The following LAYN variants were observed in gnomAD, a reference collection of about 807,000 sequenced individuals.
The protein encoded by LAYN is layilin.
LAYN carries 38 observed loss-of-function variants against 43.6 expected under a neutral mutation model. The ratio of observed to expected loss-of-function variants is 0.87; its 90% confidence interval spans 0.67 to 1.14. The LOEUF (loss-of-function observed/expected upper bound fraction) is 1.14, where lower values mean the gene tolerates loss of function less well. Among genes scored for constraint, LAYN ranks in the 50% most tolerant of loss-of-function variants. The probability of loss-of-function intolerance (pLI) is 0.00; values close to 1 mark genes in which losing one functional copy is unlikely to be tolerated. For missense variants in LAYN, 479 were observed against 463.8 expected (o/e 1.03, Z -0.30); for synonymous variants, 168 against 172.9 (o/e 0.97, Z 0.22).
In LAYN at chr11:111,560,037, A is replaced by G. The variant is rs1867923873; in HGVS notation, c.762-58A>G. On this transcript the variant is annotated intron_variant, in intron 6 of 6. Coordinates refer to ENST00000375614, the MANE Select transcript of LAYN (RefSeq NM_178834.5). The stretch of plus-strand genomic sequence containing the variant: ...TTCCTCTCGTCTCAACAGGAAGCAC[A>G]AGGGTATTCTCAATCACCTGGTCTA... 9 of 1,532,982 alleles carry G rather than the reference A, an allele frequency of 5.9e-6. No individual in the cohort carries two copies. In the South Asian group the frequency reaches 9.1e-5, roughly 16 times the overall value. 95.0% of individuals were successfully genotyped at this position (1,532,982 alleles called of 1,614,324 possible). A position where few individuals can be genotyped will look rare whatever the true frequency, so the allele number is the denominator to read the frequency against.
intron 2 of LAYN, among the ~76,000 whole-genome samples, chr11:111,548,258 G>A (rs968599415): frequency 6.6e-6 from 1 of 152,150 alleles, no homozygotes; most frequent in African/African-American, 2.4e-5. Context: ...GATCCCTTTA[G>A]GGAAAAACGG....
rs1342439811 is a variant in LAYN at position 111,545,186 on chromosome 11, C to T, written c.383+966C>T. 2.0e-5 allele frequency among the ~76,000 whole-genome samples: 3 copies of T among 152,072 alleles called. No individual in the cohort carries two copies. The East Asian group carries it at 5.8e-4, about 29-fold the overall frequency. ...TTCTGGGAGTAGCTCCTCCAGGATT[C>T]TCATGAGCCTGTCTTCCTGGGAGAA... On this transcript the variant is annotated intron_variant, in intron 2 of 6. Transcript: ENST00000375614.
At position 111,560,084 on chromosome 11, in the gene LAYN, T is replaced by C. The variant is rs1867924442; in HGVS notation, c.762-11T>C. 6.3e-7 allele frequency: 1 copy of C among 1,592,042 alleles called. No individual in the cohort carries two copies. The highest frequency in any genetic ancestry group is 1.4e-5 in the African/African-American group (1 of 73,818). On this transcript the variant is annotated splice_polypyrimidine_tract_variant and intron_variant, in intron 6 of 6. Transcript: ENST00000375614. ...TCTAAAACACTCAGCCCTGGTTTTC[T>C]TTCTTCCTAGAAAACGGGAGCAGCC...
chr11:111,547,527 T>C (rs749825506), intron 2 of LAYN, among the ~76,000 whole-genome samples: 23 of 152,202 alleles, frequency 1.5e-4, no homozygotes, highest in Admixed American at 3.9e-4. Context: ...ACAAACTGTT[T>C]CAGATTATCT....
intron 4 of LAYN, 103 bp from the exon 5 acceptor site, chr11:111,555,103 AT>A: frequency 1.2e-6 from 1 of 854,380 alleles, no homozygotes; most frequent in Non-Finnish European, 1.9e-6. Flanking sequence ...TGCTGGCAAA[AT>A]TTCTACAGCT....
chr11:111,557,442 T>A, intron 5 of LAYN, 99 bp from the exon 6 acceptor site: 1 of 887,946 alleles, frequency 1.1e-6, no homozygotes, highest in South Asian at 1.4e-5. Flanking sequence ...GGGGTACAAG[T>A]GGTTTTTGAC....
At chr11:111,549,945 C>T (rs1437885574) in intron 3 of LAYN, among the ~76,000 whole-genome samples, 170 bp downstream of exon 3, 1 of 152,184 alleles carries the variant, frequency 6.6e-6, no homozygotes, top group East Asian at 1.9e-4. Flanking sequence ...GACAATTCCT[C>T]ACCGAGGAGT....
intron 5 of LAYN, among the ~76,000 whole-genome samples, chr11:111,556,726 T>C (rs1355848402): frequency 6.6e-6 from 1 of 152,146 alleles, no homozygotes; most frequent in Non-Finnish European, 1.5e-5. Flanking sequence ...GTTTTAGTGG[T>C]GGTCAGGTTT....
chr11:111,541,009 G>T (rs888107982), intron 1 of LAYN, 81 bp downstream of exon 1: 8 of 1,320,156 alleles, frequency 6.1e-6, no homozygotes, highest in Non-Finnish European at 8.3e-6. Flanking sequence ...CTTCTGGGTC[G>T]CCACGTATGG....
Position 111,556,281 on chromosome 11 carries a change from G to A in LAYN, c.658+991G>A, listed in dbSNP as rs547205299. On this transcript the variant is annotated intron_variant, in intron 5 of 6. Transcript: ENST00000375614. ...ATCCCCCACCCCATGGAATCAGGAT[G>A]CATTAGCATCCTGGCACATCAGTGT... Among the ~76,000 whole-genome samples the A allele has an allele frequency of 2.7e-3, 409 of 152,328 alleles. 4 individuals carry two copies. Among genetic ancestry groups the A allele is most frequent in the African/African-American group, 9.3e-3 (388 of 41,564 alleles).
At chr11:111,540,384 C>A (rs78678530), upstream of LAYN, 2,815 of 176,144 alleles carry the variant, frequency 0.016, 39 homozygotes, top group Middle Eastern at 0.039. Context: ...GCACAGCTGG[C>A]GAACTTGGCT....
intron 3 of LAYN, 138 bp from the exon 4 acceptor site, chr11:111,554,421 CTG>C: frequency 1.5e-6 from 1 of 680,898 alleles, no homozygotes; most frequent in Non-Finnish European, 2.5e-6. Context: ...AGCCCAGTTC[CTG>C]ATATCTGATA....
intron 3 of LAYN, chr11:111,551,328 C>A (rs1389097040): frequency 4.4e-6 from 2 of 456,116 alleles, no homozygotes; most frequent in East Asian, 1.4e-4. Context: ...CTCTCATTGG[C>A]TAAGTCCAAT....
In LAYN at chr11:111,544,124, T is replaced by C. The variant is rs1867601618; in HGVS notation, c.287T>C (p.Phe96Ser). The C allele has an allele frequency of 1.2e-6, 2 of 1,614,158 alleles. No homozygotes were observed. Among genetic ancestry groups the C allele is most frequent in the Non-Finnish European group, 1.7e-6 (2 of 1,180,026 alleles). The stretch of plus-strand genomic sequence containing the variant: ...AACCTCTTGCCATCTGATGGTGACT[T>C]CTGGATTGGGCTCAGGAGGCGTGAG... ...IENLLPSDGD[F>S]WIGLRRREEK... The change falls in exon 2 of 7, where the codon TTC becomes TCC. Residue 96 changes from phenylalanine (F) to serine (S), a missense_variant. Transcript: ENST00000375614.
chr11:111,560,377 T>C lies in LAYN; in HGVS notation c.1044T>C (p.Asn348=). The change falls in exon 7 of 7, where the codon AAT becomes AAC. Residue 348 remains asparagine, a synonymous_variant. Coordinates refer to ENST00000375614, the MANE Select transcript of LAYN (RefSeq NM_178834.5). ...LVSVESGFVT[N]DIYEFSPDQM... ...GCGTGGAGAGTGGATTTGTGACCAA[T>C]GACATTTATGAGTTCTCCCCAGACC... 1.2e-6 allele frequency: 2 copies of C among 1,614,104 alleles called. No homozygotes were observed. The highest frequency in any genetic ancestry group is 1.3e-5 in the African/African-American group (1 of 75,008).
rs1225818891 is a variant in LAYN at position 111,540,920 on chromosome 11, T to A, written c.77T>A (p.Leu26Gln). 1.3e-6 allele frequency: 2 copies of A among 1,531,372 alleles called. No individual in the cohort carries two copies. Among genetic ancestry groups the A allele is most frequent in the African/African-American group, 2.7e-5 (2 of 72,804 alleles). The allele number at this position is 1,531,372 out of a possible 1,614,324, so 94.9% of individuals were successfully genotyped here. The change falls in exon 1 of 7, where the codon CTG (leucine) becomes CAG (glutamine). Residue 26 changes from leucine to glutamine, a missense_variant. Leu to Gln is a moderately radical substitution (Grantham distance 113). Transcript: ENST00000375614. ...GGGCTGCGGGCCGCGACGGGTCGCC[T>A]GCTGAGTGGTGAGTGCGCGCGCTGG... The part of the protein sequence containing the change: ...LVGLRAATGR[L>Q]LSGQPVCRGG...
chr11:111,549,857 T>C, intron 3 of LAYN, 82 bp downstream of exon 3: 1 of 1,425,266 alleles, frequency 7.0e-7, no homozygotes, highest in Non-Finnish European at 9.5e-7. Context: ...CAAGAATTTG[T>C]CATGTGGTCT....
At position 111,560,659 on chromosome 11, in the gene LAYN, C is replaced by G; in HGVS notation, c.*201C>G. On this transcript the variant is annotated 3_prime_UTR_variant, in exon 7 of 7. Transcript: ENST00000375614. ...TATCCCAGCCAGTCATCCAGCTCGACCTTATGAGAAGGTACCTTGCCCAGG... is the reference window on the plus strand; with the variant it reads ...TATCCCAGCCAGTCATCCAGCTCGAGCTTATGAGAAGGTACCTTGCCCAGG... The G allele has an allele frequency of 1.7e-6, 1 of 582,618 alleles. No individual in the cohort carries two copies. The highest frequency in any genetic ancestry group is 3.0e-6 in the Non-Finnish European group (1 of 335,180). The allele number at this position is 582,618 out of a possible 1,614,324, so 36.1% of individuals were successfully genotyped here.
At chr11:111,557,451 A>G in intron 5 of LAYN, 90 bp from the exon 6 acceptor site, 1 of 1,015,718 alleles carries the variant, frequency 9.8e-7, no homozygotes, top group Non-Finnish European at 1.5e-6. Context: ...GTGGTTTTTG[A>G]CGATTATGCT....
Sources: gnomAD v4.1 joint callset for allele counts (sites outside exome capture counted in the v4.1 genomes callset) on GRCh38, gnomAD v4.1.1 for gene constraint, MANE v1.5 for transcripts, NCBI Gene and HGNC (gene_info 2026-07-23, HGNC 2026-07-21) for gene names.